The following EPRS1 variants were observed in gnomAD, a reference collection of about 807,000 sequenced individuals.
The protein encoded by EPRS1 is bifunctional glutamate/proline--tRNA ligase.
A neutral mutation model predicts 188.3 loss-of-function variants in EPRS1; 107 were observed. The observed-to-expected ratio is 0.57, with a 90% CI of 0.49 to 0.67. The LOEUF (loss-of-function observed/expected upper bound fraction) is 0.67, where lower values mean the gene tolerates loss of function less well. EPRS1 is among the 30% of genes least tolerant of loss of function. The probability of loss-of-function intolerance (pLI) is 0.00; values close to 1 mark genes in which losing one functional copy is unlikely to be tolerated. For synonymous variants in EPRS1, 596 were observed against 593.1 expected, an observed-to-expected ratio of 1.00 and a Z score of -0.07; for missense variants, 1,577 against 1,802.2, an observed-to-expected ratio of 0.88 and a Z score of 2.26.
At chr1:220,041,142 G>A (rs1351672461) in intron 1 of EPRS1, among the ~76,000 whole-genome samples, 1 of 151,162 alleles carries the variant, frequency 6.6e-6, no homozygotes, top group East Asian at 2.0e-4. Context: ...ACCAGCCTGG[G>A]CAACATAGTG....
In EPRS1 at chr1:219,978,608, C is replaced by G; in HGVS notation, c.4021G>C (p.Val1341Leu). 3 of 1,609,122 alleles carry G rather than the reference C, an allele frequency of 1.9e-6. No homozygotes were observed. The highest frequency in any genetic ancestry group is 1.7e-4 in the Middle Eastern group (1 of 6,054). The change falls in exon 28 of 32, where the codon GTT becomes CTT. Residue 1341 changes from valine to leucine, a missense_variant. By Grantham distance (32) the Val-to-Leu change is conservative (BLOSUM62 1). Transcript: ENST00000366923. ...RRRLLSVNIR[V>L]RADLRDNYSP... ...TAATTATCTCGTAAATCAGCTCTAA[C>G]GCGGATGTTAACACTGAGTAATCGC...
chr1:220,010,093 C>CA (rs3055587), intron 13 of EPRS1, among the ~76,000 whole-genome samples: 4,298 of 100,460 alleles, frequency 0.043, 167 homozygotes, highest in African/African-American at 0.071. Flanking sequence ...GCAACTGTCT[C>CA]AAAAAAAAAA....
At chr1:220,034,592 A>G (rs1215008678) in intron 3 of EPRS1, among the ~76,000 whole-genome samples, 1 of 152,210 alleles carries the variant, frequency 6.6e-6, no homozygotes, top group East Asian at 1.9e-4. Flanking sequence ...CCTTATCCGT[A>G]AAGTAAGAAA....
At chr1:219,984,102 A>G (rs1378020669) in intron 21 of EPRS1, 104 bp downstream of exon 21, 1 of 782,122 alleles carries the variant, frequency 1.3e-6, no homozygotes, top group Non-Finnish European at 2.3e-6. Context: ...AAGGCATTAT[A>G]CAACATTATT....
intron 6 of EPRS1, among the ~76,000 whole-genome samples, chr1:220,029,491 G>C (rs1446399324): frequency 6.6e-6 from 1 of 152,144 alleles, no homozygotes. Context: ...AAAGAAAATT[G>C]TTTCTGTATC....
Position 220,020,176 on chromosome 1 carries a change from G to T in EPRS1, c.1161C>A (p.Ile387=). The part of the protein sequence containing the change: ...YDFACPIVDS[I]EGVTHALRTT... ...TTCTCAGGGCATGTGTAACACCTTC[G>T]ATGCTGTCAACTATGGGGCAGGCAA... The change falls in exon 10 of 32, where the codon ATC becomes ATA. Residue 387 remains isoleucine (I), a synonymous_variant. Transcript: ENST00000366923. The T allele has an allele frequency of 2.5e-6, 4 of 1,613,860 alleles. No homozygotes were observed. The highest frequency in any genetic ancestry group is 3.4e-6 in the Non-Finnish European group (4 of 1,179,908).
In EPRS1 at chr1:219,979,617, T is replaced by A; in HGVS notation, c.3712-2A>T. 1 of 1,601,164 alleles carries A rather than the reference T, an allele frequency of 6.2e-7. No homozygotes were observed. Among genetic ancestry groups the A allele is most frequent in the South Asian group, 1.1e-5 (1 of 90,652 alleles). On this transcript the variant is annotated splice_acceptor_variant, in intron 26 of 31. Coordinates refer to ENST00000366923, the MANE Select transcript of EPRS1 (RefSeq NM_004446.3). LOFTEE classifies it high-confidence loss of function. ...CCCTAAATGATGTGATGTTCCTCCC[T>A]AAAATAGAGAGAGAAAAATAAGCTT...
chr1:220,013,430 C>T (rs1290425238), intron 12 of EPRS1, among the ~76,000 whole-genome samples: 1 of 152,054 alleles, frequency 6.6e-6, no homozygotes, highest in Non-Finnish European at 1.5e-5. Flanking sequence ...TTCTTTACCA[C>T]GTACAATTCA....
chr1:220,016,066 G>C (rs1258952449), intron 12 of EPRS1, among the ~76,000 whole-genome samples: 3 of 152,030 alleles, frequency 2.0e-5, no homozygotes, highest in Non-Finnish European at 4.4e-5. Flanking sequence ...AAGTATGCAG[G>C]GGGGCTTGGT....
intron 28 of EPRS1, among the ~76,000 whole-genome samples, chr1:219,973,768 T>A (rs1326505854): frequency 6.6e-6 from 1 of 152,140 alleles, no homozygotes; most frequent in African/African-American, 2.4e-5. Context: ...ATCAGTAACA[T>A]GACACATTTT....
rs149643072 is a variant in EPRS1, at chr1:219,977,255, G to A, written c.4083+1291C>T. 2.4e-3 allele frequency among the ~76,000 whole-genome samples: 370 copies of A among 152,130 alleles called. 2 individuals are homozygous for A. The highest frequency in any genetic ancestry group is 7.5e-3 in the African/African-American group (310 of 41,502). ...TTCTCAATGTTCTTTAACTTGAGGC[G>A]TCAAGTTTAGAACTTAGGTGCTTTA... On this transcript the variant is annotated intron_variant, in intron 28 of 31. Coordinates refer to ENST00000366923, the MANE Select transcript of EPRS1 (RefSeq NM_004446.3).
chr1:220,017,032 G>A (rs1487624350), intron 12 of EPRS1, among the ~76,000 whole-genome samples: 1 of 152,002 alleles, frequency 6.6e-6, no homozygotes, highest in Non-Finnish European at 1.5e-5. Flanking sequence ...GGCGAACACA[G>A]TAAAACCCCA....
chr1:220,020,017 C>A lies in EPRS1; in HGVS notation c.1320G>T (p.Trp440Cys). 6.2e-7 allele frequency: 1 copy of A among 1,613,518 alleles called. No homozygotes were observed. Among genetic ancestry groups the A allele is most frequent in the Non-Finnish European group, 8.5e-7 (1 of 1,179,482 alleles). ...NTVLSKRKLT[W>C]FVNEGLVDGW... ...CATCTACTAGTCCTTCATTGACAAA[C>A]CATGTGAGTTTTCTTTTGGATAGCA... Residue 440 changes from tryptophan (W) to cysteine (C), a missense_variant, in exon 10 of 32, where the codon TGG becomes TGT. Transcript: ENST00000366923.
rs1218161518 is a variant in EPRS1, at chr1:219,978,732, C to A, written c.3910-13G>T. 11 of 1,600,524 alleles carry A rather than the reference C, an allele frequency of 6.9e-6. No individual in the cohort carries two copies. Among genetic ancestry groups the A allele is most frequent in the African/African-American group, 2.7e-5 (2 of 74,306 alleles). On this transcript the variant is annotated splice_polypyrimidine_tract_variant and intron_variant, in intron 27 of 31. Transcript: ENST00000366923. ...GAATAATCACCACCTAGAATCAGCACAATGTCCCAAATGTATGCAAAGAAA... is the reference window on the plus strand; with the variant it reads ...GAATAATCACCACCTAGAATCAGCAAAATGTCCCAAATGTATGCAAAGAAA...
At chr1:220,023,396 A>G (rs908928211) in intron 8 of EPRS1, among the ~76,000 whole-genome samples, 29 of 152,356 alleles carry the variant, frequency 1.9e-4, no homozygotes, top group Middle Eastern at 3.4e-3. Context: ...TTAATTTACT[A>G]ATACTTCCCA....
intron 19 of EPRS1, 94 bp from the exon 20 acceptor site, chr1:219,987,498 T>G: frequency 9.2e-7 from 1 of 1,087,610 alleles, no homozygotes; most frequent in East Asian, 2.5e-5. Flanking sequence ...CAAAGCTTTC[T>G]TTTTTCCGCC....
intron 24 of EPRS1, 60 bp downstream of exon 24, chr1:219,981,318 A>T (rs1409428986): frequency 1.5e-3 from 11 of 7,456 alleles, no homozygotes; most frequent in South Asian, 5.0e-3. Context: ...AATGTGCTTT[A>T]AAAAAAAAAA....
chr1:219,986,556 G>A (rs773067356), intron 20 of EPRS1, among the ~76,000 whole-genome samples: 2 of 152,054 alleles, frequency 1.3e-5, no homozygotes, highest in African/African-American at 2.4e-5. Context: ...GTGTATGACC[G>A]TACATTATTT....
chr1:219,992,640 T>G (rs1213689203), intron 18 of EPRS1, among the ~76,000 whole-genome samples: 1 of 152,148 alleles, frequency 6.6e-6, no homozygotes, highest in Non-Finnish European at 1.5e-5. Context: ...AAAACTTCAT[T>G]TACAGGCCGG....
Sources: gnomAD v4.1 joint callset for allele counts (sites outside exome capture counted in the v4.1 genomes callset) on GRCh38, gnomAD v4.1.1 for gene constraint, MANE v1.5 for transcripts, NCBI Gene and HGNC (gene_info 2026-07-23, HGNC 2026-07-21) for gene names.